CTNNA2: variants seen among roughly 807,000 people sequenced by gnomAD.
CTNNA2 encodes catenin alpha-2.
A neutral mutation model predicts 101.0 loss-of-function variants in CTNNA2; 42 were observed. That is an observed-to-expected ratio of 0.42 (90% CI 0.32 to 0.54). The LOEUF is 0.54. Ranked by LOEUF, CTNNA2 falls within the 20% of genes least tolerant of loss-of-function variation. The pLI is 0.14. For synonymous variants in CTNNA2, 450 were observed against 456.4 expected (o/e 0.99, Z 0.18); for missense variants, 871 against 1,223.1 (o/e 0.71, Z 4.29).
chr2:79,557,069 T>A lies in CTNNA2; in HGVS notation c.-6+43862T>A, dbSNP rs1674492237. On this transcript the variant is annotated intron_variant, in intron 1 of 18. Transcript: ENST00000402739. ...TTCACTGTCAGGGAACTTTTTCTCA[T>A]ATCTAACCAAAATCTCTGTTGCTGG... 2.6e-5 allele frequency among the ~76,000 whole-genome samples: 4 copies of A among 152,142 alleles called. No individual in the cohort carries two copies. In the South Asian group the frequency reaches 8.3e-4, roughly 32 times the overall value.
intron 7 of CTNNA2, among the ~76,000 whole-genome samples, chr2:80,119,894 G>A (rs752439221): frequency 6.6e-6 from 1 of 152,152 alleles, no homozygotes; most frequent in Non-Finnish European, 1.5e-5. Flanking sequence ...AGGTTAAAAT[G>A]TGGCAAAGAT....
chr2:79,395,474 G>A (rs188288549), intron 4 of CTNNA2, among the ~76,000 whole-genome samples: 42 of 151,674 alleles, frequency 2.8e-4, no homozygotes, highest in African/African-American at 9.4e-4. Flanking sequence ...TCCCACCTAT[G>A]AGTGAGAATA....
At chr2:80,587,077 G>C (rs1056908137) in intron 14 of CTNNA2, among the ~76,000 whole-genome samples, 1 of 152,118 alleles carries the variant, frequency 6.6e-6, no homozygotes, top group African/African-American at 2.4e-5. Context: ...GTTGTGTAGA[G>C]TGGTTAAGAA....
intron 1 of CTNNA2, among the ~76,000 whole-genome samples, chr2:79,626,576 A>C (rs967299940): frequency 4.7e-5 from 7 of 150,138 alleles, no homozygotes; most frequent in African/African-American, 1.7e-4. Context: ...AGATGGTTAG[A>C]GTGTGTGTGT....
At chr2:79,332,090 T>C (rs901450064) in intron 3 of CTNNA2, among the ~76,000 whole-genome samples, 8 of 152,122 alleles carry the variant, frequency 5.3e-5, no homozygotes, top group African/African-American at 1.9e-4. Flanking sequence ...GGGTTAGGGA[T>C]TCTTGACAAG....
rs114393487 is a variant in CTNNA2 at position 79,471,246 on chromosome 2, C to T, written c.-134-33808C>T. Among the ~76,000 whole-genome samples the T allele has an allele frequency of 1.4e-3, 212 of 152,208 alleles. 1 individual carries two copies. Among genetic ancestry groups the T allele is most frequent in the African/African-American group, 4.9e-3 (203 of 41,548 alleles). On this transcript the variant is annotated intron_variant, in intron 4 of 21. Coordinates refer to the CTNNA2 transcript ENST00000466387. Reference sequence around the variant, plus strand: ...TTAGCTGTTGGAATTTGAATTGCTGCCATTATATGTGTCTCAGTCAGTTTG... The same window carrying T: ...TTAGCTGTTGGAATTTGAATTGCTGTCATTATATGTGTCTCAGTCAGTTTG...
chr2:79,568,684 C>T (rs1675268896), intron 1 of CTNNA2, among the ~76,000 whole-genome samples: 1 of 151,722 alleles, frequency 6.6e-6, no homozygotes, highest in Non-Finnish European at 1.5e-5. Context: ...AAATAAAAAA[C>T]AATATTTCAT....
intron 18 of CTNNA2, among the ~76,000 whole-genome samples, chr2:80,644,172 C>T (rs1272737613): frequency 1.3e-5 from 2 of 152,050 alleles, no homozygotes; most frequent in Non-Finnish European, 2.9e-5. Context: ...CCAATGACTG[C>T]AGGGACAACA....
At position 80,302,761 on chromosome 2, in the gene CTNNA2, G is replaced by A. The variant is rs763539303; in HGVS notation, c.1057-90450G>A. On this transcript the variant is annotated intron_variant, in intron 7 of 18. Transcript: ENST00000402739. The surrounding 1 kb of genome is among the most constrained non-coding windows in gnomAD (Gnocchi z 6.4). ...GGTGGAAGGCGTACACGGCGTCCAG[G>A]ACGTCCTCGCCCTGTGCGTACTCCG... 7 of 1,613,108 alleles carry A rather than the reference G, an allele frequency of 4.3e-6. No individual in the cohort carries two copies. Among genetic ancestry groups the A allele is most frequent in the African/African-American group, 2.7e-5 (2 of 74,936 alleles).
At chr2:79,997,872 C>T (rs923541212) in intron 7 of CTNNA2, among the ~76,000 whole-genome samples, 1 of 152,156 alleles carries the variant, frequency 6.6e-6, no homozygotes, top group Non-Finnish European at 1.5e-5. Flanking sequence ...AGTTAGCCAC[C>T]TGCCTGGTAG....
chr2:79,622,828 C>T (rs1193857052), intron 1 of CTNNA2, among the ~76,000 whole-genome samples: 4 of 151,928 alleles, frequency 2.6e-5, no homozygotes, highest in African/African-American at 9.7e-5. Flanking sequence ...TTTTAATGGC[C>T]GAGTCTGTAG....
chr2:79,643,881 A>G (rs1270441258), intron 1 of CTNNA2, among the ~76,000 whole-genome samples: 1 of 151,958 alleles, frequency 6.6e-6, no homozygotes, highest in Non-Finnish European at 1.5e-5. Flanking sequence ...ATTCTTTTCC[A>G]TGCTTTTTAT....
intron 4 of CTNNA2, among the ~76,000 whole-genome samples, chr2:79,454,443 A>G (rs1670790825): frequency 6.6e-6 from 1 of 152,152 alleles, no homozygotes. Flanking sequence ...CCAATAATAT[A>G]ATAATTTAAA....
In CTNNA2 at chr2:79,626,168, A is replaced by C. The variant is rs141285038; in HGVS notation, c.-5-25384A>C. 3.3e-3 allele frequency among the ~76,000 whole-genome samples: 510 copies of C among 152,340 alleles called. 3 individuals are homozygous for C. Among genetic ancestry groups the C allele is most frequent in the South Asian group, 6.6e-3 (32 of 4,824 alleles). ...AATCCTAGGAATCAGTTCCTCAAGC[A>C]GCATTTTAATAGAACACAGCAAGTG... On this transcript the variant is annotated intron_variant, in intron 1 of 18. Coordinates refer to ENST00000402739, the MANE Select transcript of CTNNA2 (RefSeq NM_001282597.3).
chr2:79,366,210 A>G (rs896458769), intron 3 of CTNNA2, among the ~76,000 whole-genome samples: 84 of 152,360 alleles, frequency 5.5e-4, no homozygotes, highest in African/African-American at 1.9e-3. Flanking sequence ...AGAGCTATGC[A>G]GAGTGAGGAC....
chr2:80,477,970 A>G (rs759386018), intron 9 of CTNNA2, among the ~76,000 whole-genome samples: 1 of 152,042 alleles, frequency 6.6e-6, no homozygotes, highest in Non-Finnish European at 1.5e-5. Flanking sequence ...AAATCTCCAT[A>G]CTATTTTCCT....
chr2:79,678,862 C>T (rs75187338), intron 2 of CTNNA2, among the ~76,000 whole-genome samples: 3,009 of 152,276 alleles, frequency 0.02, 45 homozygotes, highest in Non-Finnish European at 0.032. Context: ...TCACTTGCTT[C>T]TCTTCTCCAC....
At chr2:80,339,081 A>G (rs180928359) in intron 7 of CTNNA2, among the ~76,000 whole-genome samples, 93 of 152,272 alleles carry the variant, frequency 6.1e-4, no homozygotes, top group African/African-American at 2.1e-3. Context: ...ATGAATCTCC[A>G]TGGAAGTGTG....
intron 10 of CTNNA2, 151 bp downstream of exon 10, chr2:80,545,225 A>T (rs149826689): frequency 2.6e-6 from 2 of 757,400 alleles, no homozygotes; most frequent in Non-Finnish European, 4.2e-6. Flanking sequence ...CTCAGAAAGA[A>T]TAAACCATAC....
Sources: gnomAD v4.1 joint callset for allele counts (sites outside exome capture counted in the v4.1 genomes callset) on GRCh38, gnomAD v4.1.1 for gene constraint, Gnocchi (gnomAD v3.1) non-coding constraint, MANE v1.5 for transcripts, NCBI Gene and HGNC (gene_info 2026-07-23, HGNC 2026-07-21) for gene names.